IL1RAPL1: variants seen among roughly 807,000 people sequenced by gnomAD.
The protein encoded by IL1RAPL1 is interleukin-1 receptor accessory protein-like 1.
Under a neutral mutation model 48.4 loss-of-function variants are expected in IL1RAPL1, and 3 were observed. The observed-to-expected ratio is 0.06, with a 90% confidence interval of 0.03 to 0.16. The LOEUF is 0.16. Among genes scored for constraint, IL1RAPL1 ranks in the 10% least tolerant of loss-of-function variants. The probability of loss-of-function intolerance (pLI) is 1.00; values close to 1 mark genes in which losing one functional copy is unlikely to be tolerated. For synonymous variants in IL1RAPL1, 185 were observed against 187.7 expected (o/e 0.99, Z 0.12); for missense variants, 349 against 530.6 (o/e 0.66, Z 3.36).
chrX:29,921,692 C>T (rs765799567), intron 8 of IL1RAPL1, among the ~76,000 whole-genome samples: 95 of 112,183 alleles, frequency 8.5e-4, no homozygotes, highest in African/African-American at 2.9e-3. Flanking sequence ...GATCTATCAG[C>T]TTATACTGGA....
chrX:29,935,784 A>G (rs1266529022), intron 8 of IL1RAPL1, among the ~76,000 whole-genome samples: 2 of 111,594 alleles, frequency 1.8e-5, no homozygotes, highest in African/African-American at 6.5e-5. Context: ...GGTCCTAGCC[A>G]ACAACCATAT....
intron 1 of IL1RAPL1, among the ~76,000 whole-genome samples, chrX:28,624,463 C>T (rs768800972): frequency 1.8e-5 from 2 of 111,832 alleles, no homozygotes; most frequent in African/African-American, 3.2e-5. Flanking sequence ...ATCCAACTAC[C>T]GACTAGACAC....
chrX:28,924,520 T>C (rs1045736212), intron 2 of IL1RAPL1, among the ~76,000 whole-genome samples: 6 of 111,611 alleles, frequency 5.4e-5, no homozygotes, highest in African/African-American at 1.6e-4. Context: ...GCATAGGGAA[T>C]TGTGGGTCTC....
At chrX:29,739,411 G>A (rs763691961) in intron 6 of IL1RAPL1, among the ~76,000 whole-genome samples, 36 of 111,086 alleles carry the variant, frequency 3.2e-4, no homozygotes, top group Admixed American at 1.1e-3. Context: ...TTTTTCATTA[G>A]GTATTTTTTC....
At chrX:29,070,276 G>A (rs762874948) in intron 2 of IL1RAPL1, among the ~76,000 whole-genome samples, 2 of 111,736 alleles carry the variant, frequency 1.8e-5, no homozygotes, top group East Asian at 5.6e-4. Context: ...AAACTGAGTA[G>A]ATTCTATTCG....
chrX:28,692,520 G>A (rs983817359), intron 1 of IL1RAPL1, among the ~76,000 whole-genome samples: 1 of 111,507 alleles, frequency 9.0e-6, no homozygotes, highest in Non-Finnish European at 1.9e-5. Flanking sequence ...GCATTACATT[G>A]TAGTAATTAT....
intron 2 of IL1RAPL1, among the ~76,000 whole-genome samples, chrX:28,841,762 T>G (rs1216515187): frequency 9.0e-6 from 1 of 110,780 alleles, no homozygotes; most frequent in East Asian, 2.8e-4. Flanking sequence ...CTGGAATCAT[T>G]GGTTTCTGTA....
At chrX:29,076,525 G>C (rs951676845) in intron 2 of IL1RAPL1, among the ~76,000 whole-genome samples, 21 of 111,415 alleles carry the variant, frequency 1.9e-4, no homozygotes, top group African/African-American at 6.8e-4. Context: ...AACAAGACAA[G>C]GAAACTTTCT....
chrX:29,136,874 A>G (rs1299628794), intron 2 of IL1RAPL1, among the ~76,000 whole-genome samples: 5 of 111,795 alleles, frequency 4.5e-5, no homozygotes, highest in Admixed American at 9.6e-5. Context: ...AAACTGAGGC[A>G]GTGATAGGGT....
intron 1 of IL1RAPL1, among the ~76,000 whole-genome samples, chrX:28,634,371 ATATACACGTATGTACACGTATATACG>A (rs918838043): frequency 2.7e-5 from 3 of 109,457 alleles, no homozygotes; most frequent in Non-Finnish European, 3.8e-5. Context: ...GTATATATAC[ATATACACGTATGTACACGTATATACG>A]TATACACGTA....
chrX:29,316,527 C>A (rs1394420705), intron 3 of IL1RAPL1, among the ~76,000 whole-genome samples: 1 of 112,018 alleles, frequency 8.9e-6, no homozygotes. Flanking sequence ...TTTAGGCAGT[C>A]AGATTACAGT....
chrX:29,704,625 C>T (rs1349353180), intron 6 of IL1RAPL1, among the ~76,000 whole-genome samples: 1 of 110,975 alleles, frequency 9.0e-6, no homozygotes, highest in African/African-American at 3.3e-5. Flanking sequence ...GCCGAGATGG[C>T]GCCACTGCAC....
chrX:28,737,169 CCTTCCTTCCTTTCTTT>C (rs1935843495), intron 1 of IL1RAPL1, among the ~76,000 whole-genome samples: 1 of 66,735 alleles, frequency 1.5e-5, no homozygotes, highest in African/African-American at 7.0e-5. Flanking sequence ...TTCCTTCCTT[CCTTCCTTCCTTTCTTT>C]CCTTTCTCTT....
intron 3 of IL1RAPL1, among the ~76,000 whole-genome samples, chrX:29,351,668 A>G (rs1288700762): frequency 8.9e-6 from 1 of 112,065 alleles, no homozygotes; most frequent in Non-Finnish European, 1.9e-5. Context: ...GTAAGAATGG[A>G]TTTTGATTTG....
chrX:29,100,901 A>G (rs1216156948), intron 2 of IL1RAPL1, among the ~76,000 whole-genome samples: 2 of 112,100 alleles, frequency 1.8e-5, no homozygotes, highest in Non-Finnish European at 3.8e-5. Flanking sequence ...TTACTATTAT[A>G]TTTTGAAATA....
chrX:29,559,671 C>A (rs1435685203), intron 5 of IL1RAPL1, among the ~76,000 whole-genome samples: 1 of 110,401 alleles, frequency 9.1e-6, no homozygotes, highest in Non-Finnish European at 1.9e-5. Context: ...TTTTGTGTAT[C>A]TACTAATTTT....
At chrX:29,052,087 G>A (rs1437576735) in intron 2 of IL1RAPL1, among the ~76,000 whole-genome samples, 3 of 111,836 alleles carry the variant, frequency 2.7e-5, no homozygotes, top group African/African-American at 9.8e-5. Context: ...TGGGAATTTA[G>A]CACCTCTATT....
chrX:29,322,889 C>T (rs1483548694), intron 3 of IL1RAPL1, among the ~76,000 whole-genome samples: 4 of 112,019 alleles, frequency 3.6e-5, no homozygotes, highest in African/African-American at 1.3e-4. Context: ...TCAAAACTGG[C>T]CTATTTTCCT....
intron 2 of IL1RAPL1, among the ~76,000 whole-genome samples, chrX:29,097,210 A>G (rs1203772069): frequency 8.9e-6 from 1 of 112,019 alleles, no homozygotes; most frequent in Non-Finnish European, 1.9e-5. Flanking sequence ...TAAATTTCCT[A>G]AGAGTGTCAT....
Sources: allele counts gnomAD v4.1 joint callset (sites outside exome capture counted in the v4.1 genomes callset), GRCh38; gene constraint gnomAD v4.1.1; transcripts MANE v1.5; gene names NCBI Gene and HGNC (gene_info 2026-07-23, HGNC 2026-07-21).